Variants in ESRRB observed in about 807,000 individuals in gnomAD.
ESRRB encodes estrogen related receptor beta.
In ESRRB, 16 loss-of-function variants were observed where a neutral mutation model predicts 46.0. That is an observed-to-expected ratio of 0.35 (90% CI 0.24 to 0.53). The LOEUF is 0.53. ESRRB is among the 20% of genes least tolerant of loss of function. The probability of loss-of-function intolerance (pLI) is 0.93; values close to 1 mark genes in which losing one functional copy is unlikely to be tolerated. For missense variants in ESRRB, 488 were observed against 607.4 expected (o/e 0.80, Z 2.07); for synonymous variants, 246 against 259.6 (o/e 0.95, Z 0.50).
chr14:76,394,608 A>G (rs1885598908), intron 1 of ESRRB, among the ~76,000 whole-genome samples: 1 of 152,186 alleles, frequency 6.6e-6, no homozygotes, highest in Non-Finnish European at 1.5e-5. Context: ...GGCCTTGGCT[A>G]CAGTTCTGCA....
chr14:76,379,376 T>C (rs1384703304), intron 1 of ESRRB, among the ~76,000 whole-genome samples: 1 of 148,106 alleles, frequency 6.8e-6, no homozygotes, highest in Non-Finnish European at 1.5e-5. Flanking sequence ...ATGACCACTT[T>C]GCTGTTGTTA....
At chr14:76,435,927 T>G in intron 1 of ESRRB, among the ~76,000 whole-genome samples, 1 of 152,140 alleles carries the variant, frequency 6.6e-6, no homozygotes, top group Admixed American at 6.5e-5. Context: ...GGCTCTAAAT[T>G]AATAGCGGGC....
intron 1 of ESRRB, among the ~76,000 whole-genome samples, chr14:76,400,656 T>C (rs889233702): frequency 2.6e-5 from 4 of 152,184 alleles, no homozygotes; most frequent in Non-Finnish European, 4.4e-5. Flanking sequence ...GGTTGGAAGA[T>C]GGGAACCACT....
chr14:76,410,775 T>A (rs1886400683), intron 1 of ESRRB, among the ~76,000 whole-genome samples: 1 of 151,786 alleles, frequency 6.6e-6, no homozygotes, highest in Admixed American at 6.6e-5. Flanking sequence ...TCTTTTCTTC[T>A]TATTTTTTTT....
At chr14:76,408,845 G>A (rs905317272) in intron 1 of ESRRB, among the ~76,000 whole-genome samples, 1 of 152,192 alleles carries the variant, frequency 6.6e-6, no homozygotes, top group Non-Finnish European at 1.5e-5. Context: ...ATGTGGAGAA[G>A]TAAGAGCTCA....
chr14:76,319,899 A>T (rs1428796553), intron 1 of ESRRB, among the ~76,000 whole-genome samples: 2 of 152,140 alleles, frequency 1.3e-5, no homozygotes, highest in East Asian at 3.9e-4. Context: ...ATTCCTAGAG[A>T]CACGATGATA....
At chr14:76,450,159 T>C (rs1888329107) in intron 2 of ESRRB, among the ~76,000 whole-genome samples, 1 of 151,864 alleles carries the variant, frequency 6.6e-6, no homozygotes, top group Non-Finnish European at 1.5e-5. Context: ...GGGTCTCATT[T>C]AGAAGGAGGA....
At chr14:76,446,242 T>C (rs1888140471) in intron 2 of ESRRB, among the ~76,000 whole-genome samples, 2 of 152,334 alleles carry the variant, frequency 1.3e-5, no homozygotes, top group African/African-American at 2.4e-5. Flanking sequence ...CTGCACTACA[T>C]TGAACTAGGC....
At chr14:76,311,567 A>G (rs1038765668) in intron 1 of ESRRB, among the ~76,000 whole-genome samples, 2 of 152,244 alleles carry the variant, frequency 1.3e-5, no homozygotes, top group Non-Finnish European at 2.9e-5. Flanking sequence ...CCTGCCTTAC[A>G]GGCTGTCATT....
At chr14:76,438,107 G>C (rs1388206707) in intron 1 of ESRRB, among the ~76,000 whole-genome samples, 1 of 152,086 alleles carries the variant, frequency 6.6e-6, no homozygotes. Flanking sequence ...GGCTACTCGG[G>C]GTCTAGGAAG....
rs1491090706 is a variant in ESRRB, at chr14:76,358,325, AAG to A, written c.2+47411_2+47412del. On this transcript the variant is annotated intron_variant, in intron 1 of 6. Coordinates refer to the ESRRB transcript ENST00000512784. ...AGACTCTGTCTCAAAAAAAAAAAAA[AAG>A]AAAGAAAGAAAGAAAGAAAGAAAGA... 5.6e-3 allele frequency among the ~76,000 whole-genome samples: 85 copies of A among 15,054 alleles called. 5 individuals carry two copies. Among genetic ancestry groups the A allele is most frequent in the African/African-American group, 0.014 (61 of 4,420 alleles). The allele number at this position is 15,054 out of a possible 152,430, so 9.9% of individuals were successfully genotyped here.
intron 1 of ESRRB, among the ~76,000 whole-genome samples, chr14:76,332,744 T>A (rs1441256931): frequency 0.14 from 1,811 of 12,854 alleles, 131 homozygotes; most frequent in Middle Eastern, 0.5. Context: ...TATTATATAT[T>A]TATATATTAT....
At chr14:76,320,783 T>C (rs1436979219) in intron 1 of ESRRB, among the ~76,000 whole-genome samples, 1 of 152,132 alleles carries the variant, frequency 6.6e-6, no homozygotes, top group African/African-American at 2.4e-5. Context: ...CTGGAGAATA[T>C]GTTAGCAATA....
chr14:76,468,563 G>A (rs996274674), intron 3 of ESRRB, among the ~76,000 whole-genome samples: 1 of 152,066 alleles, frequency 6.6e-6, no homozygotes, highest in East Asian at 1.9e-4. Context: ...GTGCTAAATC[G>A]TTCTTACTGT....
chr14:76,314,428 T>C (rs7146094), intron 1 of ESRRB, among the ~76,000 whole-genome samples: 105,521 of 151,954 alleles, frequency 0.69, 37,297 homozygotes, highest in Admixed American at 0.79. Flanking sequence ...AACATAGAGA[T>C]AGGAGTATGG....
At chr14:76,498,086 C>G in intron 6 of ESRRB, 128 bp from the exon 7 acceptor site, 1 of 1,116,694 alleles carries the variant, frequency 9.0e-7, no homozygotes, top group Non-Finnish European at 1.4e-6. Context: ...CAGATTGGCT[C>G]TCTGTGAAGA....
At chr14:76,467,255 C>G (rs1889156737) in intron 3 of ESRRB, among the ~76,000 whole-genome samples, 1 of 151,788 alleles carries the variant, frequency 6.6e-6, no homozygotes, top group African/African-American at 2.4e-5. Context: ...AATCCCAGCA[C>G]TTGGGGAGGC....
intron 1 of ESRRB, among the ~76,000 whole-genome samples, chr14:76,336,788 C>T (rs1412595804): frequency 6.6e-6 from 1 of 152,026 alleles, no homozygotes; most frequent in Non-Finnish European, 1.5e-5. Context: ...GTGCTAGGTG[C>T]GGGATACATT....
chr14:76,379,168 A>C (rs1009185211), intron 1 of ESRRB, among the ~76,000 whole-genome samples: 1 of 151,990 alleles, frequency 6.6e-6, no homozygotes, highest in African/African-American at 2.4e-5. Flanking sequence ...CTTCATTTTC[A>C]TTTTCCTGTA....
Sources: gnomAD v4.1 joint callset for allele counts (sites outside exome capture counted in the v4.1 genomes callset) on GRCh38, gnomAD v4.1.1 for gene constraint, MANE v1.5 for transcripts, NCBI Gene and HGNC (gene_info 2026-07-23, HGNC 2026-07-21) for gene names.